Variants in MGAT4C observed in about 807,000 individuals in gnomAD.
The protein encoded by MGAT4C is MGAT4 family member C, also known as alpha-1,3-mannosyl-glycoprotein 4-beta-N-acetylglucosaminyltransferase C.
A neutral mutation model predicts 40.1 loss-of-function variants in MGAT4C; 19 were observed. The observed-to-expected ratio is 0.47, with a 90% confidence interval of 0.33 to 0.70. The LOEUF (loss-of-function observed/expected upper bound fraction) is 0.70. Among genes scored for constraint, MGAT4C ranks in the 30% least tolerant of loss-of-function variants. MGAT4C has a pLI of 0.02. For synonymous variants in MGAT4C, 181 were observed against 187.1 expected (o/e 0.97, Z 0.27); for missense variants, 491 against 563.2 (o/e 0.87, Z 1.30).
At chr12:86,012,551 G>A (rs1272196853) in intron 2 of MGAT4C, among the ~76,000 whole-genome samples, 1 of 151,764 alleles carries the variant, frequency 6.6e-6, no homozygotes, top group African/African-American at 2.4e-5. Context: ...GACCAGCCTG[G>A]CCAACATGGC....
At position 86,201,419 on chromosome 12, in the gene MGAT4C, TATA is replaced by T. The variant is rs201964646; in HGVS notation, c.-57+54817_-57+54819del. ...ATTAATGAAGCTATATTATAAGCCT[TATA>T]ATATTTTATTTTTATATTTTAAAAT... is the stretch of plus-strand genomic sequence containing the variant. On this transcript the variant is annotated intron_variant, in intron 1 of 4. Coordinates refer to ENST00000611864, the MANE Select transcript of MGAT4C (RefSeq NM_001351288.2). 8.7e-3 allele frequency among the ~76,000 whole-genome samples: 1,294 copies of T among 148,338 alleles called. 23 individuals carry two copies. Among genetic ancestry groups the T allele is most frequent in the African/African-American group, 0.03 (1,216 of 40,854 alleles).
At chr12:86,199,004 A>G (rs1253759167) in intron 1 of MGAT4C, among the ~76,000 whole-genome samples, 1 of 152,148 alleles carries the variant, frequency 6.6e-6, no homozygotes, top group Non-Finnish European at 1.5e-5. Context: ...AAAATAACAC[A>G]CTATTAAAGG....
At chr12:85,991,935 G>A (rs561892697) in intron 2 of MGAT4C, among the ~76,000 whole-genome samples, 32 of 152,296 alleles carry the variant, frequency 2.1e-4, no homozygotes, top group African/African-American at 7.5e-4. Flanking sequence ...CAATATGGCA[G>A]GGGTGGTGAC....
At chr12:86,247,093 C>G (rs1459735604) in intron 1 of MGAT4C, among the ~76,000 whole-genome samples, 1 of 152,188 alleles carries the variant, frequency 6.6e-6, no homozygotes, top group Non-Finnish European at 1.5e-5. Flanking sequence ...TACAAATGAC[C>G]ATTAGGATAC....
intron 1 of MGAT4C, among the ~76,000 whole-genome samples, chr12:86,245,475 A>C (rs1376509965): frequency 6.6e-6 from 1 of 152,080 alleles, no homozygotes; most frequent in African/African-American, 2.4e-5. Flanking sequence ...GGCATCCTCA[A>C]ATTGTTTTTG....
chr12:86,576,797 C>T (rs1486021389), intron 2 of MGAT4C, among the ~76,000 whole-genome samples: 1 of 151,690 alleles, frequency 6.6e-6, no homozygotes, highest in Non-Finnish European at 1.5e-5. Flanking sequence ...ATAGCTTTGG[C>T]TATTCTGAGT....
chr12:86,071,563 C>G (rs972750667), intron 1 of MGAT4C, among the ~76,000 whole-genome samples: 8 of 152,016 alleles, frequency 5.3e-5, no homozygotes, highest in African/African-American at 1.9e-4. Context: ...CTAATTTGTG[C>G]AACTCCAGGA....
rs1964411489 is a variant in MGAT4C at position 86,676,821 on chromosome 12, T to C, written c.-229+50388A>G. Reference sequence around the variant, plus strand: ...AACAAGGCAGAGCATATAAGTATGGTGAAATAAGTTTATAAGATATTTAAA... The same window carrying C: ...AACAAGGCAGAGCATATAAGTATGGCGAAATAAGTTTATAAGATATTTAAA... On this transcript the variant is annotated intron_variant, in intron 2 of 7. Coordinates refer to the MGAT4C transcript ENST00000548651. Among the ~76,000 whole-genome samples the C allele has an allele frequency of 2.0e-5, 3 of 152,144 alleles. No individual in the cohort carries two copies. In the South Asian group the frequency reaches 6.2e-4, roughly 31 times the overall value.
chr12:86,556,507 G>C (rs982514792), intron 2 of MGAT4C, among the ~76,000 whole-genome samples: 2 of 151,476 alleles, frequency 1.3e-5, no homozygotes, highest in Admixed American at 1.3e-4. Context: ...CAATGTTTAG[G>C]GTTTTTGTGT....
At chr12:86,535,264 G>A (rs369564633) in intron 2 of MGAT4C, among the ~76,000 whole-genome samples, 26 of 152,040 alleles carry the variant, frequency 1.7e-4, no homozygotes, top group African/African-American at 5.5e-4. Flanking sequence ...AACATTACAC[G>A]TTTTACCAAT....
intron 3 of MGAT4C, among the ~76,000 whole-genome samples, chr12:86,406,015 A>T (rs1172846851): frequency 7.1e-6 from 1 of 141,484 alleles, no homozygotes; most frequent in African/African-American, 2.6e-5. Flanking sequence ...ATAAATATAT[A>T]CAAATACATA....
At chr12:86,459,494 G>T (rs969278335) in intron 2 of MGAT4C, among the ~76,000 whole-genome samples, 1 of 151,892 alleles carries the variant, frequency 6.6e-6, no homozygotes, top group Non-Finnish European at 1.5e-5. Context: ...GCTGAGAATC[G>T]TTACTCACCA....
At chr12:86,371,346 C>CA (rs1362156198) in intron 3 of MGAT4C, among the ~76,000 whole-genome samples, 1 of 151,998 alleles carries the variant, frequency 6.6e-6, no homozygotes, top group Non-Finnish European at 1.5e-5. Flanking sequence ...GTAATTACTT[C>CA]ACCCTAGGAC....
At chr12:86,466,205 C>T (rs898875575) in intron 2 of MGAT4C, among the ~76,000 whole-genome samples, 5 of 45,646 alleles carry the variant, frequency 1.1e-4, no homozygotes, top group African/African-American at 3.0e-4. Context: ...ATCAAGACTC[C>T]GTCAAAAAAA....
chr12:86,263,019 T>C (rs1295011354), intron 4 of MGAT4C, among the ~76,000 whole-genome samples: 1 of 152,070 alleles, frequency 6.6e-6, no homozygotes, highest in Non-Finnish European at 1.5e-5. Flanking sequence ...ATTTTTACCC[T>C]ACTATATAAA....
chr12:86,443,054 A>G (rs991642554), intron 2 of MGAT4C, among the ~76,000 whole-genome samples: 7 of 152,218 alleles, frequency 4.6e-5, no homozygotes, highest in Non-Finnish European at 2.9e-5. Flanking sequence ...TAGCATAAAC[A>G]TAACTATAAT....
At chr12:86,516,609 T>C (rs184871697) in intron 2 of MGAT4C, among the ~76,000 whole-genome samples, 25 of 152,030 alleles carry the variant, frequency 1.6e-4, no homozygotes, top group East Asian at 7.7e-4. Context: ...AAAGGAAAAA[T>C]AGACAAACTG....
At chr12:86,278,459 G>A (rs960929925) in intron 4 of MGAT4C, among the ~76,000 whole-genome samples, 2 of 152,040 alleles carry the variant, frequency 1.3e-5, no homozygotes, top group Admixed American at 1.3e-4. Context: ...GATTACAGGC[G>A]TGAGCCACCA....
chr12:86,787,694 T>C (rs568898209), intron 1 of MGAT4C, among the ~76,000 whole-genome samples: 2 of 152,242 alleles, frequency 1.3e-5, no homozygotes, highest in Non-Finnish European at 2.9e-5. Context: ...TAGTGCAACC[T>C]CTTTGGGAAG....
Sources: gnomAD v4.1 joint callset for allele counts (sites outside exome capture counted in the v4.1 genomes callset) on GRCh38, gnomAD v4.1.1 for gene constraint, MANE v1.5 for transcripts, NCBI Gene and HGNC (gene_info 2026-07-23, HGNC 2026-07-21) for gene names.